Variants in RHAG observed in about 807,000 individuals in gnomAD.
The protein encoded by RHAG is Rh associated glycoprotein.
RHAG carries 25 observed loss-of-function variants against 42.4 expected under a neutral mutation model. The ratio of observed to expected loss-of-function variants is 0.59; its 90% CI spans 0.43 to 0.82. The LOEUF is 0.82. Among genes scored for constraint, RHAG ranks in the 40% least tolerant of loss-of-function variants. The pLI is 0.00. For synonymous variants in RHAG, 182 were observed against 177.7 expected (o/e 1.02, Z -0.19); for missense variants, 483 against 504.6 (o/e 0.96, Z 0.41).
chr6:49,635,494 A>G (rs1483385832), intron 1 of RHAG, among the ~76,000 whole-genome samples: 1 of 152,148 alleles, frequency 6.6e-6, no homozygotes, highest in African/African-American at 2.4e-5. Context: ...AATGAATGAA[A>G]TGTACAAAAG....
intron 4 of RHAG, 118 bp downstream of exon 4, chr6:49,615,506 G>T: frequency 8.4e-7 from 1 of 1,192,230 alleles, no homozygotes; most frequent in South Asian, 1.2e-5. Flanking sequence ...GGATACAGTC[G>T]TTCACTACCA....
intron 1 of RHAG, among the ~76,000 whole-genome samples, chr6:49,631,253 A>C (rs1195380088): frequency 6.6e-6 from 1 of 152,204 alleles, no homozygotes; most frequent in African/African-American, 2.4e-5. Context: ...CTTTCAGAAC[A>C]TGTGAATGCC....
chr6:49,613,949 C>T (rs897333185), intron 5 of RHAG, among the ~76,000 whole-genome samples: 1 of 152,048 alleles, frequency 6.6e-6, no homozygotes, highest in African/African-American at 2.4e-5. Flanking sequence ...GTTGTTATTT[C>T]TTTGAGAGGA....
chr6:49,610,907 C>T lies in RHAG; in HGVS notation c.1067+117G>A, dbSNP rs1762560197. The T allele has an allele frequency of 4.8e-6, 6 of 1,249,220 alleles. No individual in the cohort carries two copies. In the Admixed American group the frequency reaches 1.0e-4, roughly 22 times the overall value. 77.4% of individuals were successfully genotyped at this position (1,249,220 alleles called of 1,614,324 possible). On this transcript the variant is annotated intron_variant, in intron 7 of 9. Coordinates refer to ENST00000371175, the MANE Select transcript of RHAG (RefSeq NM_000324.3). ...TCTCTCAGGCGCGTCTCTTTGGCTC[C>T]AGTAAAGACAATACAAACCATGGCC...
Position 49,616,126 on chromosome 6 carries a change from T to C in RHAG, c.493-355A>G, listed in dbSNP as rs115850167. Among the ~76,000 whole-genome samples, 434 of 152,274 alleles carry C rather than the reference T, an allele frequency of 2.9e-3. 2 individuals carry two copies. Among genetic ancestry groups the C allele is most frequent in the African/African-American group, 9.9e-3 (411 of 41,554 alleles). On this transcript the variant is annotated intron_variant, in intron 3 of 9. Coordinates refer to ENST00000371175, the MANE Select transcript of RHAG (RefSeq NM_000324.3). ...TAAGAACATATTTCTAAAGTGCTAG[T>C]TCCCTGGTGGGCACACAAGACATGC...
Position 49,605,283 on chromosome 6 carries a change from A to G in RHAG, c.*530T>C, listed in dbSNP as rs1243432566. ...AGTCAACATGCAAAAGGAATTAAGA[A>G]TAATATTCATGCAAGGATACAACAT... On this transcript the variant is annotated 3_prime_UTR_variant, in exon 10 of 10. Transcript: ENST00000371175. 3 of 156,970 alleles carry G rather than the reference A, an allele frequency of 1.9e-5. No homozygotes were observed. Among genetic ancestry groups the G allele is most frequent in the Non-Finnish European group, 2.8e-5 (2 of 70,634 alleles). 9.7% of individuals were successfully genotyped at this position (156,970 alleles called of 1,614,324 possible). A position where few individuals can be genotyped will look rare whatever the true frequency, so the allele number is the denominator to read the frequency against.
At chr6:49,613,326 T>A (rs1441133916) in intron 5 of RHAG, among the ~76,000 whole-genome samples, 1 of 152,172 alleles carries the variant, frequency 6.6e-6, no homozygotes, top group Admixed American at 6.5e-5. Flanking sequence ...CACCTTGGCC[T>A]CCCAAAGCAC....
intron 7 of RHAG, among the ~76,000 whole-genome samples, chr6:49,607,753 A>G (rs992964773): frequency 4.6e-5 from 7 of 152,228 alleles, no homozygotes; most frequent in Admixed American, 2.6e-4. Flanking sequence ...AATGTGATAA[A>G]AGGCCATTGA....
chr6:49,630,182 T>G (rs1762913530), intron 1 of RHAG, among the ~76,000 whole-genome samples: 1 of 152,270 alleles, frequency 6.6e-6, no homozygotes, highest in East Asian at 1.9e-4. Context: ...AATCATTCTC[T>G]GAGTGTTACC....
intron 1 of RHAG, among the ~76,000 whole-genome samples, chr6:49,628,819 G>C (rs62412403): frequency 1.5e-4 from 23 of 152,160 alleles, no homozygotes; most frequent in Non-Finnish European, 5.9e-5. Flanking sequence ...AGACCTTCAC[G>C]GTGAGTATTA....
In RHAG at chr6:49,614,680, C is replaced by CACTT. The variant is rs767331548; in HGVS notation, c.807+3_807+6dup. ...AAAATTTCCATGAGGGCTAAGGCGG[C>CACTT]ACTTACCATGTTGAGCTTGCCTCGG... On this transcript the variant is annotated splice_region_variant and intron_variant, in intron 5 of 9. Coordinates refer to ENST00000371175, the MANE Select transcript of RHAG (RefSeq NM_000324.3). 95 of 1,613,196 alleles carry CACTT rather than the reference C, an allele frequency of 5.9e-5. No homozygotes were observed. The highest frequency in any genetic ancestry group is 5.6e-4 in the Middle Eastern group (3 of 5,382).
At chr6:49,634,387 G>A (rs1762976021) in intron 1 of RHAG, among the ~76,000 whole-genome samples, 1 of 152,006 alleles carries the variant, frequency 6.6e-6, no homozygotes, top group African/African-American at 2.4e-5. Flanking sequence ...AAATTATAAT[G>A]TAAACAATAT....
In RHAG at chr6:49,607,211, G is replaced by A; in HGVS notation, c.1077C>T (p.Ala359=). ...VAMGASNTSM[A]MQAAALGSSI... ...AGGAACCCAGTGCAGCTGCCTGCAT[G>A]GCCATAGACCTAAGGAAGCAAACAA... Residue 359 remains alanine, a synonymous_variant, in exon 8 of 10, where the codon GCC becomes GCT. Coordinates refer to ENST00000371175, the MANE Select transcript of RHAG (RefSeq NM_000324.3). 1 of 1,613,252 alleles carries A rather than the reference G, an allele frequency of 6.2e-7. No homozygotes were observed. Among genetic ancestry groups the A allele is most frequent in the Non-Finnish European group, 8.5e-7 (1 of 1,179,512 alleles).
At chr6:49,622,830 C>A (rs1156344509) in intron 1 of RHAG, among the ~76,000 whole-genome samples, 1 of 130,116 alleles carries the variant, frequency 7.7e-6, no homozygotes, top group African/African-American at 2.9e-5. Context: ...GAAAACCAGA[C>A]TTTTTTTTTT....
chr6:49,616,497 A>G (rs950748374), intron 3 of RHAG, among the ~76,000 whole-genome samples: 2 of 152,112 alleles, frequency 1.3e-5, no homozygotes, highest in African/African-American at 4.8e-5. Flanking sequence ...ATATTTTTTT[A>G]ATTCTGCTCT....
intron 3 of RHAG, among the ~76,000 whole-genome samples, chr6:49,616,354 CAAAAAAAAAAA>C (rs34416373): frequency 9.2e-6 from 1 of 108,770 alleles, no homozygotes; most frequent in Non-Finnish European, 1.7e-5. Flanking sequence ...AATCTCAAAC[CAAAAAAAAAAA>C]AAAAAAAAAA....
intron 5 of RHAG, among the ~76,000 whole-genome samples, chr6:49,614,254 A>G (rs1268284): frequency 0.026 from 3,949 of 150,866 alleles, 184 homozygotes; most frequent in African/African-American, 0.091. Flanking sequence ...GTGCAATGGC[A>G]TAATCTCGGC....
intron 1 of RHAG, among the ~76,000 whole-genome samples, chr6:49,628,746 G>A (rs1224753383): frequency 2.0e-5 from 3 of 151,058 alleles, no homozygotes; most frequent in Admixed American, 2.0e-4. Context: ...AAGGTGGCGC[G>A]TCTCGAGTTG....
chr6:49,613,695 A>G (rs1391986436), intron 5 of RHAG, among the ~76,000 whole-genome samples: 1 of 152,150 alleles, frequency 6.6e-6, no homozygotes, highest in African/African-American at 2.4e-5. Context: ...AACTCAAGAG[A>G]CCAATTTGGG....
Sources: allele counts gnomAD v4.1 joint callset (sites outside exome capture counted in the v4.1 genomes callset), GRCh38; gene constraint gnomAD v4.1.1; transcripts MANE v1.5; gene names NCBI Gene and HGNC (gene_info 2026-07-23, HGNC 2026-07-21).